The following SOS1 variants were observed in gnomAD, a reference collection of about 807,000 sequenced individuals.
The protein encoded by SOS1 is SOS Ras/Rac guanine nucleotide exchange factor 1.
In SOS1, 25 loss-of-function variants were observed where a neutral mutation model predicts 157.6. That is an observed-to-expected ratio of 0.16 (90% CI 0.12 to 0.22). SOS1 has a LOEUF of 0.22. Among genes scored for constraint, SOS1 ranks in the 10% least tolerant of loss-of-function variants. The probability of loss-of-function intolerance (pLI) is 1.00; values close to 1 mark genes in which losing one functional copy is unlikely to be tolerated. For missense variants in SOS1, 1,237 were observed against 1,599.1 expected, an observed-to-expected ratio of 0.77 and a Z score of 3.86; for synonymous variants, 528 against 534.0, an observed-to-expected ratio of 0.99 and a Z score of 0.16.
intron 2 of SOS1, among the ~76,000 whole-genome samples, chr2:39,063,204 C>A (rs1192289992): frequency 6.6e-6 from 1 of 152,032 alleles, no homozygotes; most frequent in African/African-American, 2.4e-5. Context: ...CTTCCTGCAG[C>A]CTTGAACTCC....
chr2:39,059,353 C>G (rs1671323872), intron 2 of SOS1, among the ~76,000 whole-genome samples: 1 of 152,124 alleles, frequency 6.6e-6, no homozygotes, highest in Non-Finnish European at 1.5e-5. Flanking sequence ...CATAGTCATT[C>G]GTTTTTAACA....
intron 6 of SOS1, among the ~76,000 whole-genome samples, chr2:39,047,970 G>A (rs1001904065): frequency 6.6e-6 from 1 of 152,058 alleles, no homozygotes; most frequent in Non-Finnish European, 1.5e-5. Context: ...GCCCAGCCAG[G>A]AGTTCTTAAT....
chr2:39,010,483 C>T, intron 15 of SOS1, 101 bp downstream of exon 15: 2 of 1,112,886 alleles, frequency 1.8e-6, no homozygotes, highest in Non-Finnish European at 2.7e-6. Flanking sequence ...GCCTATGTGA[C>T]AGAGCAAAAC....
At chr2:39,087,263 G>C (rs1172836994) in intron 1 of SOS1, among the ~76,000 whole-genome samples, 1 of 152,134 alleles carries the variant, frequency 6.6e-6, no homozygotes, top group Non-Finnish European at 1.5e-5. Context: ...TATTAACATA[G>C]TAATACTTCA....
intron 20 of SOS1, 107 bp downstream of exon 20, chr2:38,995,011 TTTGAC>T (rs1668844699): frequency 1.2e-6 from 1 of 834,188 alleles, no homozygotes; most frequent in African/African-American, 1.7e-5. Context: ...TGAAATGGCA[TTTGAC>T]TTAACTACAA....
At chr2:38,989,194 T>C (rs1005451321) in intron 21 of SOS1, 76 bp downstream of exon 21, 10 of 1,005,834 alleles carry the variant, frequency 9.9e-6, no homozygotes, top group Non-Finnish European at 1.6e-5. Context: ...AGAAGAGTTT[T>C]AGCAGGAAAG....
At chr2:39,068,491 G>A (rs1330569092) in intron 1 of SOS1, among the ~76,000 whole-genome samples, 1 of 152,168 alleles carries the variant, frequency 6.6e-6, no homozygotes, top group East Asian at 1.9e-4. Context: ...TCCAGGAGGG[G>A]CATGTCTCAT....
chr2:39,020,079 T>C (rs1055800681), intron 10 of SOS1, among the ~76,000 whole-genome samples: 6 of 151,614 alleles, frequency 4.0e-5, no homozygotes, highest in African/African-American at 1.5e-4. Flanking sequence ...ATATACTCTA[T>C]TTAGAGTCAA....
Position 38,989,389 on chromosome 2 carries a change from T to C in SOS1, c.3347-75A>G, listed in dbSNP as rs1668658458. 3.3e-6 allele frequency: 3 copies of C among 912,654 alleles called. No individual in the cohort carries two copies. The South Asian group carries it at 4.1e-5, about 12-fold the overall frequency. The allele number at this position is 912,654 out of a possible 1,614,324, so 56.5% of individuals were successfully genotyped here. A position where few individuals can be genotyped will look rare whatever the true frequency, so the allele number is the denominator to read the frequency against. Reference sequence around the variant, plus strand: ...TCAACTCATCTGCAAAAATTTGTATTATGATGAAAATGTTATTGTCATTGT... The same window carrying C: ...TCAACTCATCTGCAAAAATTTGTATCATGATGAAAATGTTATTGTCATTGT... On this transcript the variant is annotated intron_variant, in intron 20 of 22. Coordinates refer to ENST00000402219, the MANE Select transcript of SOS1 (RefSeq NM_005633.4).
chr2:39,048,576 T>A (rs776992434), intron 6 of SOS1, among the ~76,000 whole-genome samples: 1 of 151,470 alleles, frequency 6.6e-6, no homozygotes, highest in Non-Finnish European at 1.5e-5. Flanking sequence ...AATTTTTGTA[T>A]TTTTTAGTAG....
Position 39,023,192 on chromosome 2 carries a change from C to T in SOS1, c.1236G>A (p.Met412Ile), listed in dbSNP as rs1669852474. The change falls in exon 10 of 23, where the codon ATG becomes ATA. Residue 412 changes from methionine to isoleucine, a missense_variant. This residue lies in a region of SOS1 where 101 missense variants were observed against 171.5 expected (regional missense o/e 0.59). Transcript: ENST00000402219. The part of the protein sequence containing the change: ...ESACRFYSQQ[M>I]KGKQLAIKKM... The stretch of plus-strand genomic sequence containing the variant: ...TCTTGATTGCTAGTTGTTTCCCCTT[C>T]ATTTGCTGACTATAAAACCGACATG... 6.2e-7 allele frequency: 1 copy of T among 1,613,316 alleles called. No homozygotes were observed. Among genetic ancestry groups the T allele is most frequent in the Admixed American group, 1.7e-5 (1 of 59,954 alleles).
intron 1 of SOS1, among the ~76,000 whole-genome samples, chr2:39,082,981 C>G (rs1402772954): frequency 6.6e-6 from 1 of 152,116 alleles, no homozygotes. Flanking sequence ...GGGGAGCTGG[C>G]AAACTCCAGT....
chr2:39,122,384 C>CTGG (rs1434438413), upstream of SOS1, among the ~76,000 whole-genome samples: 1 of 151,302 alleles, frequency 6.6e-6, no homozygotes, highest in Non-Finnish European at 1.5e-5. Context: ...GAGCCGGGAT[C>CTGG]ATGCCACTGC....
chr2:39,091,010 C>A (rs138319618), intron 1 of SOS1, among the ~76,000 whole-genome samples: 9 of 152,086 alleles, frequency 5.9e-5, no homozygotes, highest in African/African-American at 2.2e-4. Flanking sequence ...ATGGGACTAC[C>A]GGTGCACGCC....
chr2:39,057,880 C>T (rs1013649141), intron 3 of SOS1, among the ~76,000 whole-genome samples: 4 of 99,808 alleles, frequency 4.0e-5, no homozygotes, highest in Non-Finnish European at 6.1e-5. Flanking sequence ...TCAAGCAAAC[C>T]TGAACTTTCT....
intron 4 of SOS1, among the ~76,000 whole-genome samples, chr2:39,055,941 C>T (rs1006626722): frequency 1.3e-5 from 2 of 152,074 alleles, no homozygotes; most frequent in Admixed American, 6.6e-5. Flanking sequence ...TAAGGACCAA[C>T]GGAGATAAGC....
rs192167182 is a variant in SOS1 at position 39,074,437 on chromosome 2, G to A, written c.88-6684C>T. Among the ~76,000 whole-genome samples the A allele has an allele frequency of 2.0e-4, 30 of 151,630 alleles. 1 individual carries two copies. The East Asian group carries it at 4.8e-3, about 24-fold the overall frequency. On this transcript the variant is annotated intron_variant, in intron 1 of 22. Coordinates refer to ENST00000402219, the MANE Select transcript of SOS1 (RefSeq NM_005633.4). ...CCAAAAATACAAAACTTAGCCAGCC[G>A]TGGTGGTGCACACCTGTAGTCCCAA...
intron 1 of SOS1, among the ~76,000 whole-genome samples, chr2:39,086,826 T>G (rs1672393315): frequency 6.6e-6 from 1 of 152,182 alleles, no homozygotes; most frequent in East Asian, 1.9e-4. Context: ...GTTCTTTTTT[T>G]TTTTGAGACG....
At chr2:39,064,816 T>C (rs1429733909) in intron 2 of SOS1, among the ~76,000 whole-genome samples, 1 of 124,606 alleles carries the variant, frequency 8.0e-6, no homozygotes, top group African/African-American at 3.1e-5. Context: ...TGGTGCAATC[T>C]TGGCTCACTG....
Sources: gnomAD v4.1 joint callset for allele counts (sites outside exome capture counted in the v4.1 genomes callset) on GRCh38, gnomAD v4.1.1 for gene constraint, gnomAD v4.1.1 regional missense constraint, MANE v1.5 for transcripts, NCBI Gene and HGNC (gene_info 2026-07-23, HGNC 2026-07-21) for gene names.